The following ABCC1 variants were observed in gnomAD, a reference collection of about 807,000 sequenced individuals.
ABCC1 encodes ATP binding cassette subfamily C member 1 (ABCC1 blood group), also known as multidrug resistance-associated protein 1.
A neutral mutation model predicts 172.9 loss-of-function variants in ABCC1; 83 were observed. That is an observed-to-expected ratio of 0.48 (90% CI 0.40 to 0.58). The LOEUF (loss-of-function observed/expected upper bound fraction) is 0.58, where lower values mean the gene tolerates loss of function less well. ABCC1 is among the 20% of genes least tolerant of loss of function. The pLI, the probability that ABCC1 is intolerant of heterozygous loss-of-function variation, is 0.00. For synonymous variants in ABCC1, 937 were observed against 825.2 expected (o/e 1.14, Z -2.32); for missense variants, 1,817 against 2,002.7 (o/e 0.91, Z 1.77).
At chr16:16,070,200 G>T (rs1384350115) in intron 13 of ABCC1, among the ~76,000 whole-genome samples, 1 of 151,706 alleles carries the variant, frequency 6.6e-6, no homozygotes, top group African/African-American at 2.4e-5. Flanking sequence ...TGGGCAATGA[G>T]ACCCTTAATC....
chr16:16,102,854 A>G (rs2051832024), intron 20 of ABCC1, 137 bp downstream of exon 20: 1 of 791,924 alleles, frequency 1.3e-6, no homozygotes, highest in Non-Finnish European at 2.0e-6. Flanking sequence ...AAATCCTCCA[A>G]GGACCTTGCT....
At chr16:16,125,763 G>A (rs2045406444) in intron 25 of ABCC1, 47 bp from the exon 26 acceptor site, 10 of 1,155,258 alleles carry the variant, frequency 8.7e-6, no homozygotes, top group Non-Finnish European at 1.1e-5. Flanking sequence ...GGAAAGTCAA[G>A]TACGCCCGCT....
chr16:16,002,133 CAA>C (rs2047336790), intron 1 of ABCC1, among the ~76,000 whole-genome samples: 1 of 152,142 alleles, frequency 6.6e-6, no homozygotes, highest in South Asian at 2.1e-4. Context: ...CGATGGAAGT[CAA>C]GTTCATCCCT....
At chr16:16,052,560 A>G (rs533271137) in intron 10 of ABCC1, among the ~76,000 whole-genome samples, 164 bp from the exon 11 acceptor site, 1 of 152,328 alleles carries the variant, frequency 6.6e-6, no homozygotes, top group South Asian at 2.1e-4. Context: ...ATGCTCAGGA[A>G]TGAAACCACA....
intron 26 of ABCC1, among the ~76,000 whole-genome samples, chr16:16,129,166 T>C (rs2045571797): frequency 6.6e-6 from 1 of 152,304 alleles, no homozygotes; most frequent in Non-Finnish European, 1.5e-5. Context: ...TGTTTCTTTT[T>C]CTTTTAACGT....
rs543233188 is a variant in ABCC1 at position 15,957,706 on chromosome 16, C to T, written c.48+7907C>T. On this transcript the variant is annotated intron_variant, in intron 1 of 30. Coordinates refer to ENST00000399410, the MANE Select transcript of ABCC1 (RefSeq NM_004996.4). ...TGCCTCCTGGGTTCAAGCAATTCTG[C>T]CTCAGCCTCCCCAGTAGCTGGGACT... Among the ~76,000 whole-genome samples, 35 of 152,292 alleles carry T rather than the reference C, an allele frequency of 2.3e-4. 2 individuals are homozygous for T. The South Asian group carries it at 5.8e-3, about 25-fold the overall frequency.
At position 15,955,015 on chromosome 16, in the gene ABCC1, G is replaced by A. The variant is rs371619884; in HGVS notation, c.48+5216G>A. ...ACGGGCTGCTTTTCATGGCTTCCCC[G>A]ACTTCCACTCTGGCTCGAGTCATCG... On this transcript the variant is annotated intron_variant, in intron 1 of 30. Transcript: ENST00000399410. Among the ~76,000 whole-genome samples the A allele has an allele frequency of 9.2e-5, 14 of 152,132 alleles. No individual in the cohort carries two copies. The East Asian group carries it at 1.4e-3, about 15-fold the overall frequency.
At chr16:16,093,711 G>A (rs1279020524) in intron 19 of ABCC1, among the ~76,000 whole-genome samples, 10 of 152,148 alleles carry the variant, frequency 6.6e-5, no homozygotes, top group African/African-American at 9.7e-5. Flanking sequence ...TAGCCAACTC[G>A]AAGCGCCAAT....
upstream of ABCC1, among the ~76,000 whole-genome samples, chr16:15,949,368 C>T (rs1444742098): frequency 6.6e-6 from 1 of 151,788 alleles, no homozygotes; most frequent in Non-Finnish European, 1.5e-5. Context: ...CAGGCGCTTC[C>T]GGAAGGCGAG....
At chr16:16,118,026 C>G (rs922257633) in intron 23 of ABCC1, among the ~76,000 whole-genome samples, 1 of 152,204 alleles carries the variant, frequency 6.6e-6, no homozygotes, top group African/African-American at 2.4e-5. Flanking sequence ...CATGTGGTTT[C>G]TTAGGATATC....
At chr16:16,031,761 A>G (rs937442707) in intron 5 of ABCC1, among the ~76,000 whole-genome samples, 8 of 152,052 alleles carry the variant, frequency 5.3e-5, no homozygotes, top group African/African-American at 1.9e-4. Flanking sequence ...TTCGTACACC[A>G]GATCAGCCCC....
At chr16:16,123,685 A>G (rs1212700344) in intron 24 of ABCC1, among the ~76,000 whole-genome samples, 1 of 151,984 alleles carries the variant, frequency 6.6e-6, no homozygotes, top group East Asian at 1.9e-4. Flanking sequence ...AATAGTTCTG[A>G]TGGTACATGA....
intron 1 of ABCC1, among the ~76,000 whole-genome samples, chr16:15,956,714 A>T (rs1425353609): frequency 6.6e-6 from 1 of 152,196 alleles, no homozygotes; most frequent in Non-Finnish European, 1.5e-5. Context: ...TGTTAAGATT[A>T]ATTCATAAGA....
At chr16:16,042,786 C>A (rs1451233672) in intron 7 of ABCC1, among the ~76,000 whole-genome samples, 1 of 151,918 alleles carries the variant, frequency 6.6e-6, no homozygotes, top group Non-Finnish European at 1.5e-5. Context: ...CCGCACAATT[C>A]ATGTATGCAG....
chr16:16,048,153 C>G lies in ABCC1; in HGVS notation c.1230C>G (p.Ile410Met). 1 of 1,614,128 alleles carries G rather than the reference C, an allele frequency of 6.2e-7. No homozygotes were observed. Reference protein sequence around the residue: ...IGAVYRKALVITNSARKSSTV... With the variant: ...IGAVYRKALVMTNSARKSSTV... The stretch of plus-strand genomic sequence containing the variant: ...CCTTTGTCCCACAGGCCCTGGTGAT[C>G]ACCAATTCAGCCAGAAAATCCTCCA... Residue 410 changes from isoleucine (I) to methionine (M), a missense_variant, in exon 10 of 31, where the codon ATC becomes ATG. Coordinates refer to ENST00000399410, the MANE Select transcript of ABCC1 (RefSeq NM_004996.4).
chr16:16,023,861 G>T (rs979340970), intron 5 of ABCC1, among the ~76,000 whole-genome samples: 1 of 152,176 alleles, frequency 6.6e-6, no homozygotes, highest in African/African-American at 2.4e-5. Context: ...GCTCCTGGTA[G>T]AGCAACTGGC....
intron 19 of ABCC1, among the ~76,000 whole-genome samples, chr16:16,093,507 C>T (rs4148360): frequency 0.12 from 18,619 of 152,084 alleles, 1,258 homozygotes; most frequent in East Asian, 0.22. Flanking sequence ...CCGCCCACCA[C>T]CCTGGCACCT....
In ABCC1 at chr16:16,141,492, CG is replaced by C. The variant is rs1489579720; in HGVS notation, c.*212del. ...TGAAGACCCAGGAGAGACAGAGATG[CG>C]AACCACCCAAAACACGCACACCCTG... On this transcript the variant is annotated 3_prime_UTR_variant, in exon 31 of 31. Coordinates refer to ENST00000399410, the MANE Select transcript of ABCC1 (RefSeq NM_004996.4). The C allele has an allele frequency of 1.8e-6, 1 of 568,982 alleles. No individual in the cohort carries two copies. Among genetic ancestry groups the C allele is most frequent in the Admixed American group, 3.1e-5 (1 of 32,028 alleles). The allele number at this position is 568,982 out of a possible 1,614,324, so 35.2% of individuals were successfully genotyped here. A position where few individuals can be genotyped will look rare whatever the true frequency, so the allele number is the denominator to read the frequency against.
At chr16:16,125,788 C>T in intron 25 of ABCC1, 22 bp from the exon 26 acceptor site, 2 of 1,579,856 alleles carry the variant, frequency 1.3e-6, no homozygotes, top group Non-Finnish European at 8.7e-7. Flanking sequence ...CTAGAAATGC[C>T]ACGTGACTCT....
Sources: gnomAD v4.1 joint callset for allele counts (sites outside exome capture counted in the v4.1 genomes callset) on GRCh38, gnomAD v4.1.1 for gene constraint, MANE v1.5 for transcripts, NCBI Gene and HGNC (gene_info 2026-07-23, HGNC 2026-07-21) for gene names.